Variants in TAB2 observed in about 807,000 individuals in gnomAD.
The protein encoded by TAB2 is TGF-beta-activated kinase 1 and MAP3K7-binding protein 2.
TAB2 carries 3 observed loss-of-function variants against 65.0 expected under a neutral mutation model. That is an observed-to-expected ratio of 0.05 (90% confidence interval 0.02 to 0.12). TAB2 has a LOEUF of 0.12. Ranked by LOEUF, TAB2 falls within the 10% of genes least tolerant of loss-of-function variation. TAB2 has a pLI of 1.00. For synonymous variants in TAB2, 298 were observed against 285.1 expected (o/e 1.05, Z -0.46); for missense variants, 623 against 840.3 (o/e 0.74, Z 3.20).
intron 1 of TAB2, among the ~76,000 whole-genome samples, chr6:149,309,058 A>T (rs975409523): frequency 4.6e-5 from 7 of 152,054 alleles, no homozygotes; most frequent in African/African-American, 1.7e-4. Flanking sequence ...TGCTCATCAT[A>T]TATGTTCTAA....
upstream of TAB2, among the ~76,000 whole-genome samples, chr6:149,316,231 T>A (rs1779248141): frequency 1.3e-5 from 2 of 152,364 alleles, no homozygotes; most frequent in South Asian, 4.1e-4. Context: ...AATAATTAAA[T>A]TCCGATATTG....
chr6:149,267,470 T>A (rs1286738488), intron 1 of TAB2, among the ~76,000 whole-genome samples: 1 of 152,196 alleles, frequency 6.6e-6, no homozygotes, highest in East Asian at 1.9e-4. Context: ...GGCATGATAT[T>A]GAAATATTTA....
intron 1 of TAB2, among the ~76,000 whole-genome samples, chr6:149,227,410 T>C (rs918278454): frequency 6.6e-6 from 1 of 152,116 alleles, no homozygotes; most frequent in Non-Finnish European, 1.5e-5. Context: ...GTCCCAGACA[T>C]AGGCTATTCA....
intron 1 of TAB2, among the ~76,000 whole-genome samples, chr6:149,294,733 A>G (rs1583069670): frequency 6.6e-6 from 1 of 152,234 alleles, no homozygotes; most frequent in African/African-American, 2.4e-5. Context: ...CTATCATTAA[A>G]TTGAATGCCA....
intron 2 of TAB2, among the ~76,000 whole-genome samples, chr6:149,371,817 T>C (rs1187028913): frequency 7.3e-5 from 11 of 151,596 alleles, no homozygotes; most frequent in Non-Finnish European, 1.5e-5. Flanking sequence ...TTTGTTAATA[T>C]AAAATGTGAA....
chr6:149,366,864 T>TA (rs967465127), intron 1 of TAB2, among the ~76,000 whole-genome samples: 2 of 152,084 alleles, frequency 1.3e-5, no homozygotes, highest in Non-Finnish European at 2.9e-5. Context: ...AATAATGAAA[T>TA]ACGTTGAAAT....
intron 1 of TAB2, chr6:149,304,552 G>A (rs1320628369): frequency 6.6e-6 from 1 of 152,260 alleles, no homozygotes. Context: ...TTATGGAGCA[G>A]GTCCTATACT....
At chr6:149,312,365 G>GTATT (rs1234971697) in intron 1 of TAB2, among the ~76,000 whole-genome samples, 5 of 151,570 alleles carry the variant, frequency 3.3e-5, no homozygotes, top group Non-Finnish European at 7.4e-5. Context: ...TAATTTTTTT[G>GTATT]TATTTATTTA....
At chr6:149,403,246 AAAT>A (rs1453732723) in intron 6 of TAB2, among the ~76,000 whole-genome samples, 106 of 31,668 alleles carry the variant, frequency 3.3e-3, no homozygotes, top group African/African-American at 0.017. Flanking sequence ...AAAAAAAAAA[AAAT>A]ATATATATAT....
At chr6:149,283,177 G>T (rs1244028733) in intron 1 of TAB2, among the ~76,000 whole-genome samples, 1 of 152,170 alleles carries the variant, frequency 6.6e-6, no homozygotes, top group Non-Finnish European at 1.5e-5. Flanking sequence ...GCTAGGGTTG[G>T]CCTGCACTTC....
At chr6:149,357,441 A>ACACT (rs1275405384) in intron 1 of TAB2, among the ~76,000 whole-genome samples, 1 of 142,792 alleles carries the variant, frequency 7.0e-6, no homozygotes, top group African/African-American at 2.5e-5. Flanking sequence ...ACACACACAC[A>ACACT]CACACACACA....
intron 1 of TAB2, among the ~76,000 whole-genome samples, chr6:149,334,231 T>C (rs1252839273): frequency 1.3e-5 from 2 of 152,186 alleles, no homozygotes; most frequent in African/African-American, 2.4e-5. Flanking sequence ...TCCTCTCTCT[T>C]ACCTTTTTTT....
intron 1 of TAB2, among the ~76,000 whole-genome samples, chr6:149,303,673 T>G (rs1779009420): frequency 6.6e-6 from 1 of 152,256 alleles, no homozygotes; most frequent in African/African-American, 2.4e-5. Flanking sequence ...AACTTTTACA[T>G]GTATTGATTT....
intron 1 of TAB2, among the ~76,000 whole-genome samples, chr6:149,303,808 T>C (rs1779011248): frequency 6.6e-6 from 1 of 152,206 alleles, no homozygotes; most frequent in Non-Finnish European, 1.5e-5. Flanking sequence ...CGAGGTCCTG[T>C]GCAAGGAGCA....
intron 1 of TAB2, among the ~76,000 whole-genome samples, chr6:149,289,337 T>A (rs934144682): frequency 6.6e-6 from 1 of 151,492 alleles, no homozygotes; most frequent in African/African-American, 2.4e-5. Flanking sequence ...AAGGTCATAG[T>A]GAGCTATGTT....
At chr6:149,397,790 T>A (rs1408120481) in intron 4 of TAB2, 26 bp downstream of exon 4, 3 of 1,611,658 alleles carry the variant, frequency 1.9e-6, no homozygotes, top group Non-Finnish European at 2.5e-6. Flanking sequence ...ACTGTTGTGA[T>A]CTCTGCTTGA....
At chr6:149,356,642 C>G (rs1780661129) in intron 1 of TAB2, among the ~76,000 whole-genome samples, 1 of 152,202 alleles carries the variant, frequency 6.6e-6, no homozygotes, top group Non-Finnish European at 1.5e-5. Flanking sequence ...GTTCCACACT[C>G]AAACCTGATC....
chr6:149,310,051 G>GT (rs1456162459), intron 1 of TAB2, among the ~76,000 whole-genome samples: 1 of 151,798 alleles, frequency 6.6e-6, no homozygotes. Flanking sequence ...TAATCATGGA[G>GT]TGGGGCGCAG....
At chr6:149,269,734 T>C (rs147199639) in intron 1 of TAB2, among the ~76,000 whole-genome samples, 2,036 of 152,336 alleles carry the variant, frequency 0.013, 16 homozygotes, top group Admixed American at 0.021. Context: ...TTTCACTTGG[T>C]ATATATGAGA....
Sources: gnomAD v4.1 joint callset for allele counts (sites outside exome capture counted in the v4.1 genomes callset) on GRCh38, gnomAD v4.1.1 for gene constraint, MANE v1.5 for transcripts, NCBI Gene and HGNC (gene_info 2026-07-23, HGNC 2026-07-21) for gene names.